SLC38A6: variants seen among roughly 807,000 people sequenced by gnomAD.
The protein encoded by SLC38A6 is solute carrier family 38 member 6, also known as N system amino acid transporter NAT-1.
Under a neutral mutation model 65.0 loss-of-function variants are expected in SLC38A6, and 73 were observed. The ratio of observed to expected loss-of-function variants is 1.12; its 90% CI spans 0.93 to 1.37. The LOEUF (loss-of-function observed/expected upper bound fraction) is 1.37, where lower values mean the gene tolerates loss of function less well. SLC38A6 is among the 40% of genes most tolerant of loss of function. The probability of loss-of-function intolerance (pLI) is 0.00; values close to 1 mark genes in which losing one functional copy is unlikely to be tolerated. For synonymous variants in SLC38A6, 183 were observed against 178.8 expected (o/e 1.02, Z -0.19); for missense variants, 561 against 531.1 (o/e 1.06, Z -0.55).
At chr14:61,067,987 C>G (rs1488680141) in intron 15 of SLC38A6, among the ~76,000 whole-genome samples, 1 of 152,178 alleles carries the variant, frequency 6.6e-6, no homozygotes, top group African/African-American at 2.4e-5. Context: ...ATCAGTATTT[C>G]TCTTGAGTTG....
chr14:61,013,985 A>G (rs915951937), intron 3 of SLC38A6, among the ~76,000 whole-genome samples: 1 of 152,214 alleles, frequency 6.6e-6, no homozygotes, highest in Admixed American at 6.5e-5. Flanking sequence ...GTGTTTTCCA[A>G]CTTAGTTCCA....
chr14:61,007,036 A>C (rs2039182101), intron 3 of SLC38A6, among the ~76,000 whole-genome samples: 1 of 152,164 alleles, frequency 6.6e-6, no homozygotes, highest in South Asian at 2.1e-4. Flanking sequence ...ACATGGATGA[A>C]ATTGGAAATC....
intron 1 of SLC38A6, chr14:60,981,625 A>G: frequency 6.8e-7 from 1 of 1,462,176 alleles, no homozygotes. Flanking sequence ...GAAGAGATGC[A>G]GCGTTGAGTG....
chr14:61,063,340 A>G (rs750997893), intron 15 of SLC38A6, among the ~76,000 whole-genome samples: 14 of 152,130 alleles, frequency 9.2e-5, no homozygotes, highest in Non-Finnish European at 1.6e-4. Flanking sequence ...GTGTACTTCA[A>G]AGTCCTTTCT....
At chr14:61,075,823 G>GTGTGTGTGTA (rs1555362474) in intron 15 of SLC38A6, among the ~76,000 whole-genome samples, 63 of 143,226 alleles carry the variant, frequency 4.4e-4, no homozygotes, top group Admixed American at 7.6e-4. Context: ...GTGTGTGTGT[G>GTGTGTGTGTA]TGTGTGTGTA....
intron 2 of SLC38A6, among the ~76,000 whole-genome samples, chr14:60,984,469 G>A (rs1203230029): frequency 6.6e-6 from 1 of 150,966 alleles, no homozygotes. Context: ...ACTGCAAAAT[G>A]AGGAAGTTTG....
At chr14:61,049,363 C>T (rs560787537) in intron 12 of SLC38A6, among the ~76,000 whole-genome samples, 1 of 152,258 alleles carries the variant, frequency 6.6e-6, no homozygotes, top group East Asian at 1.9e-4. Flanking sequence ...TTTGTTTGTG[C>T]TGCTCCTTGC....
chr14:61,031,033 G>T (rs1027525235), intron 6 of SLC38A6: 6 of 152,006 alleles, frequency 3.9e-5, no homozygotes, highest in African/African-American at 1.5e-4. Context: ...TAAATTATTT[G>T]CAAGGACTTA....
intron 16 of SLC38A6, among the ~76,000 whole-genome samples, chr14:61,079,133 C>CTTTTTTTT (rs34713691): frequency 1.1e-5 from 1 of 93,902 alleles, no homozygotes; most frequent in African/African-American, 4.7e-5. Flanking sequence ...TGCCTCCAAA[C>CTTTTTTTT]TTTTTTTTTT....
At chr14:61,078,189 T>G (rs2043495299) in intron 15 of SLC38A6, among the ~76,000 whole-genome samples, 1 of 152,204 alleles carries the variant, frequency 6.6e-6, no homozygotes, top group Non-Finnish European at 1.5e-5. Flanking sequence ...GTGAGTAATA[T>G]GAACATTAAA....
intron 12 of SLC38A6, among the ~76,000 whole-genome samples, chr14:61,047,611 A>G (rs2042228117): frequency 6.6e-6 from 1 of 152,050 alleles, no homozygotes; most frequent in Non-Finnish European, 1.5e-5. Flanking sequence ...GTTTTTGTTA[A>G]GGTGATCTTT....
At chr14:61,043,802 G>T (rs928889653) in intron 10 of SLC38A6, among the ~76,000 whole-genome samples, 1 of 150,692 alleles carries the variant, frequency 6.6e-6, no homozygotes, top group South Asian at 2.1e-4. Context: ...TGGCCAATAA[G>T]GTCCTCTGTG....
chr14:61,000,704 C>CT (rs1013050010), intron 3 of SLC38A6, among the ~76,000 whole-genome samples: 2 of 152,300 alleles, frequency 1.3e-5, no homozygotes, highest in African/African-American at 4.8e-5. Context: ...GTACTGGACA[C>CT]TGACACATAC....
chr14:61,045,757 G>T (rs1475252495), intron 11 of SLC38A6, among the ~76,000 whole-genome samples: 2 of 151,932 alleles, frequency 1.3e-5, no homozygotes, highest in South Asian at 2.1e-4. Context: ...GTGGTGGCGG[G>T]CACCTGTAAT....
At chr14:61,012,971 G>A (rs1214471547) in intron 3 of SLC38A6, among the ~76,000 whole-genome samples, 2 of 151,930 alleles carry the variant, frequency 1.3e-5, no homozygotes, top group African/African-American at 2.4e-5. Context: ...TCTGTCTAAT[G>A]TTAACAGTGG....
chr14:61,062,604 G>A (rs931260290), intron 15 of SLC38A6, among the ~76,000 whole-genome samples: 21 of 151,976 alleles, frequency 1.4e-4, no homozygotes, highest in African/African-American at 4.8e-4. Flanking sequence ...TGGGACTGCA[G>A]GCACATACCA....
intron 3 of SLC38A6, among the ~76,000 whole-genome samples, chr14:61,005,770 T>C (rs367842321): frequency 1.3e-5 from 2 of 152,166 alleles, no homozygotes; most frequent in Non-Finnish European, 2.9e-5. Context: ...AGGTAATTTA[T>C]AGATTCAATG....
intron 5 of SLC38A6, among the ~76,000 whole-genome samples, chr14:61,020,193 C>T (rs2040269151): frequency 6.6e-6 from 1 of 152,012 alleles, no homozygotes; most frequent in Admixed American, 6.6e-5. Context: ...ATGTATTAAA[C>T]ATTTAAATCC....
chr14:61,006,822 G>A (rs1047608858), intron 3 of SLC38A6, among the ~76,000 whole-genome samples: 20 of 151,988 alleles, frequency 1.3e-4, no homozygotes, highest in Non-Finnish European at 2.9e-4. Context: ...CCCATTACTG[G>A]GTATATACCC....
Sources: allele counts gnomAD v4.1 joint callset (sites outside exome capture counted in the v4.1 genomes callset), GRCh38; gene constraint gnomAD v4.1.1; transcripts MANE v1.5; gene names NCBI Gene and HGNC (gene_info 2026-07-23, HGNC 2026-07-21).